The following PPP3CA variants were observed in gnomAD, a reference collection of about 807,000 sequenced individuals.
The protein encoded by PPP3CA is CAM-PRP catalytic subunit.
Under a neutral mutation model 66.5 loss-of-function variants are expected in PPP3CA, and 14 were observed. That is an observed-to-expected ratio of 0.21 (90% CI 0.14 to 0.33). PPP3CA has a LOEUF of 0.33. Ranked by LOEUF, PPP3CA falls within the 10% of genes least tolerant of loss-of-function variation. The pLI is 1.00. For missense variants in PPP3CA, 317 were observed against 639.5 expected, an observed-to-expected ratio of 0.50 and a Z score of 5.44; for synonymous variants, 232 against 226.2, an observed-to-expected ratio of 1.03 and a Z score of -0.23.
At chr4:101,057,260 T>C (rs1484134534) in intron 10 of PPP3CA, among the ~76,000 whole-genome samples, 1 of 152,192 alleles carries the variant, frequency 6.6e-6, no homozygotes, top group Non-Finnish European at 1.5e-5. Flanking sequence ...TTTTGCCATG[T>C]TGGCCAGGCT....
intron 2 of PPP3CA, among the ~76,000 whole-genome samples, chr4:101,113,203 C>G (rs932477308): frequency 6.6e-6 from 1 of 152,124 alleles, no homozygotes; most frequent in Non-Finnish European, 1.5e-5. Flanking sequence ...CCTAACTCTA[C>G]ATCAGAACCA....
At chr4:101,089,675 T>G (rs1729827889) in intron 6 of PPP3CA, among the ~76,000 whole-genome samples, 1 of 152,144 alleles carries the variant, frequency 6.6e-6, no homozygotes, top group African/African-American at 2.4e-5. Flanking sequence ...AAATGAAAAT[T>G]TGTCATGATC....
chr4:101,046,747 C>A (rs535562315), intron 10 of PPP3CA, among the ~76,000 whole-genome samples: 1 of 151,960 alleles, frequency 6.6e-6, no homozygotes, highest in African/African-American at 2.4e-5. Context: ...TTTCAATGTT[C>A]CTTCAGATTT....
At chr4:101,240,792 C>T (rs1311432256) in intron 1 of PPP3CA, 1 of 152,124 alleles carries the variant, frequency 6.6e-6, no homozygotes, top group Non-Finnish European at 1.5e-5. Flanking sequence ...TCCAAGTCAA[C>T]ACAGATTTGC....
intron 1 of PPP3CA, among the ~76,000 whole-genome samples, chr4:101,197,256 G>C (rs1395500970): frequency 6.6e-6 from 1 of 152,180 alleles, no homozygotes; most frequent in Non-Finnish European, 1.5e-5. Context: ...AGACTTACAG[G>C]AGACCTATGC....
rs1237830151 is a variant in PPP3CA at position 101,041,412 on chromosome 4, G to GA, written c.1157-847dup. ...GGTACATTGGAAGAAGTATAAAACA[G>GA]AAAAAATACCTCACAAATTTTTTTT... On this transcript the variant is annotated intron_variant, in intron 10 of 13. Coordinates refer to ENST00000394854, the MANE Select transcript of PPP3CA (RefSeq NM_000944.5). Among the ~76,000 whole-genome samples, 12 of 145,114 alleles carry GA rather than the reference G, an allele frequency of 8.3e-5. 1 individual carries two copies. The highest frequency in any genetic ancestry group is 1.2e-4 in the Non-Finnish European group (8 of 66,472).
chr4:101,147,640 C>T (rs555529598), intron 2 of PPP3CA, among the ~76,000 whole-genome samples: 70 of 152,124 alleles, frequency 4.6e-4, no homozygotes, highest in Admixed American at 1.9e-3. Flanking sequence ...AACTGTAATG[C>T]ATTCAATTCA....
At chr4:101,037,031 G>A (rs1406033771) in intron 11 of PPP3CA, among the ~76,000 whole-genome samples, 5 of 152,170 alleles carry the variant, frequency 3.3e-5, no homozygotes, top group Non-Finnish European at 5.9e-5. Context: ...AGGTATTAGA[G>A]AGCTCACAGA....
intron 2 of PPP3CA, among the ~76,000 whole-genome samples, chr4:101,169,400 A>G (rs1723797291): frequency 6.6e-6 from 1 of 152,194 alleles, no homozygotes; most frequent in Non-Finnish European, 1.5e-5. Flanking sequence ...TATGTCCTAC[A>G]GTACTCCAGA....
intron 1 of PPP3CA, among the ~76,000 whole-genome samples, chr4:101,271,335 G>C (rs1250819221): frequency 1.3e-5 from 2 of 151,918 alleles, no homozygotes; most frequent in East Asian, 3.9e-4. Flanking sequence ...GAACTGACTG[G>C]TGCCAACCAT....
intron 9 of PPP3CA, 82 bp downstream of exon 9, chr4:101,063,150 T>C: frequency 6.7e-7 from 1 of 1,482,940 alleles, no homozygotes; most frequent in Non-Finnish European, 9.1e-7. Context: ...GGGCCAAAGT[T>C]CTTCTCTTTC....
intron 1 of PPP3CA, among the ~76,000 whole-genome samples, chr4:101,310,683 C>A (rs772524520): frequency 1.1e-4 from 17 of 152,074 alleles, no homozygotes; most frequent in Non-Finnish European, 2.4e-4. Context: ...GAAATAACAA[C>A]AGAATTAAGT....
intron 1 of PPP3CA, among the ~76,000 whole-genome samples, chr4:101,229,828 T>G (rs1275185041): frequency 6.6e-6 from 1 of 151,484 alleles, no homozygotes; most frequent in Admixed American, 6.6e-5. Flanking sequence ...AGACAGTGCT[T>G]TGTGAGTAGC....
chr4:101,335,954 C>A (rs1729616420), intron 1 of PPP3CA, among the ~76,000 whole-genome samples: 1 of 152,166 alleles, frequency 6.6e-6, no homozygotes, highest in Non-Finnish European at 1.5e-5. Flanking sequence ...CTTGTAATCC[C>A]AGCACTTTGG....
chr4:101,322,700 T>G (rs1246932926), intron 1 of PPP3CA, among the ~76,000 whole-genome samples: 1 of 152,174 alleles, frequency 6.6e-6, no homozygotes, highest in Non-Finnish European at 1.5e-5. Flanking sequence ...GTGAGCCAAC[T>G]GCACTTGGCC....
chr4:101,235,130 A>G (rs1020840100), intron 1 of PPP3CA, among the ~76,000 whole-genome samples: 4 of 151,828 alleles, frequency 2.6e-5, no homozygotes, highest in African/African-American at 9.7e-5. Context: ...AGACTTTTTA[A>G]GACAAGATAT....
intron 1 of PPP3CA, among the ~76,000 whole-genome samples, chr4:101,318,483 T>C (rs1423438131): frequency 1.3e-5 from 2 of 152,208 alleles, no homozygotes; most frequent in Non-Finnish European, 2.9e-5. Context: ...GCCAAATTGA[T>C]AGGCATCATA....
intron 8 of PPP3CA, among the ~76,000 whole-genome samples, chr4:101,074,292 TCTCCCTCTCAGAAAGATCTGAG>T (rs1729051091): frequency 6.6e-6 from 1 of 152,120 alleles, no homozygotes; most frequent in South Asian, 2.1e-4. Flanking sequence ...AGACCCCTCA[TCTCCCTCTCAGAAAGATCTGAG>T]CTAGCTGATT....
intron 1 of PPP3CA, chr4:101,330,386 C>T (rs761934781): frequency 5.7e-6 from 3 of 528,122 alleles, no homozygotes; most frequent in South Asian, 4.3e-5. Context: ...TTTGCTCATC[C>T]TTGAGAAGCA....
Sources: allele counts gnomAD v4.1 joint callset (sites outside exome capture counted in the v4.1 genomes callset), GRCh38; gene constraint gnomAD v4.1.1; transcripts MANE v1.5; gene names NCBI Gene and HGNC (gene_info 2026-07-23, HGNC 2026-07-21).